GRIK2: variants seen among roughly 807,000 people sequenced by gnomAD.
GRIK2 encodes glutamate ionotropic receptor kainate type subunit 2, also known as glutamate receptor ionotropic, kainate 2.
GRIK2 carries 32 observed loss-of-function variants against 100.3 expected under a neutral mutation model. That is an observed-to-expected ratio of 0.32 (90% CI 0.24 to 0.43). The LOEUF is 0.43. Among genes scored for constraint, GRIK2 ranks in the 20% least tolerant of loss-of-function variants. The probability of loss-of-function intolerance (pLI) is 1.00; values close to 1 mark genes in which losing one functional copy is unlikely to be tolerated. For missense variants in GRIK2, 843 were observed against 1,114.9 expected, an observed-to-expected ratio of 0.76 and a Z score of 3.47; for synonymous variants, 417 against 389.4, an observed-to-expected ratio of 1.07 and a Z score of -0.83.
At chr6:101,574,460 T>A (rs1412220626) in intron 2 of GRIK2, among the ~76,000 whole-genome samples, 1 of 150,704 alleles carries the variant, frequency 6.6e-6, no homozygotes, top group Non-Finnish European at 1.5e-5. Context: ...TAATGTAAGA[T>A]TTTAACCCTT....
At chr6:101,397,942 TAGAC>T (rs200342457) in intron 1 of GRIK2, among the ~76,000 whole-genome samples, 317 of 152,188 alleles carry the variant, frequency 2.1e-3, no homozygotes, top group African/African-American at 6.2e-3. Context: ...TTTTAATAAA[TAGAC>T]AGAATATTAC....
intron 2 of GRIK2, among the ~76,000 whole-genome samples, chr6:101,407,189 A>G (rs771160954): frequency 6.6e-6 from 1 of 152,050 alleles, no homozygotes; most frequent in East Asian, 1.9e-4. Context: ...CCTGCATTCA[A>G]TTCATCATAG....
At chr6:101,755,934 G>A (rs1182999057) in intron 7 of GRIK2, among the ~76,000 whole-genome samples, 6 of 152,010 alleles carry the variant, frequency 3.9e-5, no homozygotes, top group African/African-American at 1.4e-4. Flanking sequence ...GTTGTTGAAC[G>A]CCAAGACTTT....
intron 2 of GRIK2, among the ~76,000 whole-genome samples, chr6:101,450,781 A>G (rs1035046626): frequency 2.6e-5 from 4 of 151,920 alleles, no homozygotes; most frequent in African/African-American, 9.7e-5. Flanking sequence ...GAAGTAAAGA[A>G]AAGAAGGAAA....
At chr6:101,947,264 T>G (rs1043872570) in intron 14 of GRIK2, among the ~76,000 whole-genome samples, 2 of 152,160 alleles carry the variant, frequency 1.3e-5, no homozygotes, top group Non-Finnish European at 2.9e-5. Context: ...CTTCCTATTC[T>G]CATTTTTAGT....
chr6:101,579,972 C>T (rs1425089296), intron 2 of GRIK2, among the ~76,000 whole-genome samples: 1 of 152,008 alleles, frequency 6.6e-6, no homozygotes, highest in Non-Finnish European at 1.5e-5. Context: ...TACTTCTTCT[C>T]ATCCTCCTTT....
chr6:101,572,178 T>A (rs960684739), intron 2 of GRIK2, among the ~76,000 whole-genome samples: 3 of 152,168 alleles, frequency 2.0e-5, no homozygotes, highest in Non-Finnish European at 4.4e-5. Flanking sequence ...TACACAGATA[T>A]TAGCAGCCAC....
rs1774891096 is a variant in GRIK2 at position 101,393,740 on chromosome 6, G to C, written c.-391G>C. Among the ~76,000 whole-genome samples the C allele has an allele frequency of 1.3e-5, 2 of 152,014 alleles. No homozygotes were observed. The highest frequency in any genetic ancestry group is 2.4e-5 in the African/African-American group (1 of 41,440). ...CTCGGCGCCGGCGGCTGCGCTGGTCGGTCTGGTAGCTGGGGACTTTTCCGC... is the reference window on the plus strand; with the variant it reads ...CTCGGCGCCGGCGGCTGCGCTGGTCCGTCTGGTAGCTGGGGACTTTTCCGC... On this transcript the variant is annotated 5_prime_UTR_variant, in exon 1 of 17. Coordinates refer to ENST00000369134, the MANE Select transcript of GRIK2 (RefSeq NM_021956.5).
intron 2 of GRIK2, among the ~76,000 whole-genome samples, chr6:101,405,320 T>G (rs1748351995): frequency 6.6e-6 from 1 of 151,938 alleles, no homozygotes; most frequent in African/African-American, 2.4e-5. Context: ...GTTTCAATAA[T>G]AAAACATTTT....
At chr6:101,517,766 G>T (rs902565937) in intron 2 of GRIK2, among the ~76,000 whole-genome samples, 2 of 152,082 alleles carry the variant, frequency 1.3e-5, no homozygotes, top group African/African-American at 4.8e-5. Context: ...TTCTACAGTG[G>T]TGTGCAACAA....
At chr6:101,603,570 G>T (rs2399671) in intron 2 of GRIK2, among the ~76,000 whole-genome samples, 8,193 of 151,686 alleles carry the variant, frequency 0.054, 744 homozygotes, top group African/African-American at 0.19. Context: ...ATAATTTTAT[G>T]ATTTAACATG....
intron 14 of GRIK2, among the ~76,000 whole-genome samples, chr6:101,941,195 T>C (rs1237214382): frequency 1.3e-5 from 2 of 152,074 alleles, no homozygotes; most frequent in Admixed American, 1.3e-4. Context: ...TTAATCAAAA[T>C]ATAATTAAAT....
intron 4 of GRIK2, among the ~76,000 whole-genome samples, chr6:101,643,151 A>T (rs1248330406): frequency 6.6e-6 from 1 of 151,336 alleles, no homozygotes. Flanking sequence ...ATTATTTGCA[A>T]ATGTTTTCTT....
In GRIK2 at chr6:101,411,910, A is replaced by G. The variant is rs554282846; in HGVS notation, c.115+12518A>G. ...CTCTCTCAATCTCCCACACTAAAGG[A>G]TCCCCTAATAGATTATTTTAAAACT... On this transcript the variant is annotated intron_variant, in intron 2 of 16. Coordinates refer to ENST00000369134, the MANE Select transcript of GRIK2 (RefSeq NM_021956.5). Among the ~76,000 whole-genome samples the G allele has an allele frequency of 1.9e-4, 29 of 152,200 alleles. 2 individuals are homozygous for G. In the South Asian group the frequency reaches 5.8e-3, roughly 30 times the overall value.
At chr6:101,394,206 C>A (rs1270152369) in intron 1 of GRIK2, among the ~76,000 whole-genome samples, 1 of 152,148 alleles carries the variant, frequency 6.6e-6, no homozygotes, top group Non-Finnish European at 1.5e-5. Context: ...TGGCTGCCGG[C>A]GGGTCTGACG....
chr6:101,583,953 A>G (rs1014026721), intron 2 of GRIK2, among the ~76,000 whole-genome samples: 1 of 152,112 alleles, frequency 6.6e-6, no homozygotes, highest in South Asian at 2.1e-4. Context: ...CAGATTTTAT[A>G]TGATATATAT....
intron 2 of GRIK2, among the ~76,000 whole-genome samples, chr6:101,565,995 TAAGA>T (rs1446947339): frequency 6.8e-6 from 1 of 146,774 alleles, no homozygotes; most frequent in African/African-American, 2.5e-5. Flanking sequence ...ATTAAAATTA[TAAGA>T]AAGAGAAAAT....
intron 7 of GRIK2, among the ~76,000 whole-genome samples, chr6:101,697,909 G>A (rs1291689515): frequency 5.3e-5 from 8 of 152,030 alleles, no homozygotes; most frequent in Admixed American, 4.6e-4. Flanking sequence ...TCCTCCATAA[G>A]TGATATCCAT....
chr6:101,602,682 T>C (rs571628), intron 2 of GRIK2, among the ~76,000 whole-genome samples: 55,418 of 151,164 alleles, frequency 0.37, 10,897 homozygotes, highest in African/African-American at 0.52. Flanking sequence ...AGTGCCTGGA[T>C]TGGAGTCAAG....
Sources: allele counts gnomAD v4.1 joint callset (sites outside exome capture counted in the v4.1 genomes callset), GRCh38; gene constraint gnomAD v4.1.1; transcripts MANE v1.5; gene names NCBI Gene and HGNC (gene_info 2026-07-23, HGNC 2026-07-21).